The following HIPK3 variants were observed in gnomAD, a reference collection of about 807,000 sequenced individuals.
HIPK3 encodes the protein homeodomain interacting protein kinase 3.
In HIPK3, 47 loss-of-function variants were observed where a neutral mutation model predicts 124.2. The observed-to-expected ratio is 0.38, with a 90% CI of 0.30 to 0.48. The LOEUF (loss-of-function observed/expected upper bound fraction) is 0.48, where lower values mean the gene tolerates loss of function less well. Ranked by LOEUF, HIPK3 falls within the 20% of genes least tolerant of loss-of-function variation. The pLI, the probability that HIPK3 is intolerant of heterozygous loss-of-function variation, is 0.98. For missense variants in HIPK3, 1,286 were observed against 1,454.3 expected, an observed-to-expected ratio of 0.88 and a Z score of 1.88; for synonymous variants, 482 against 515.2, an observed-to-expected ratio of 0.94 and a Z score of 0.87.
chr11:33,275,323 C>A (rs1851243648), intron 1 of HIPK3, among the ~76,000 whole-genome samples: 1 of 152,152 alleles, frequency 6.6e-6, no homozygotes, highest in African/African-American at 2.4e-5. Context: ...CAGGTGTAAG[C>A]CACTGTGCCC....
chr11:33,272,133 C>T (rs1025582964), intron 1 of HIPK3, among the ~76,000 whole-genome samples: 1 of 152,162 alleles, frequency 6.6e-6, no homozygotes, highest in Non-Finnish European at 1.5e-5. Flanking sequence ...TGCAGTGGCT[C>T]ACGCCTGTAA....
At position 33,287,013 on chromosome 11, in the gene HIPK3, T is replaced by G. The variant is rs141595291; in HGVS notation, c.599T>G (p.Leu200Arg). ...TCCATGAAAAATACTTACGAAGTCC[T>G]TGATTTTCTTGGTCGAGGCACGTTT... ...LCSMKNTYEV[L>R]DFLGRGTFGQ... The change falls in exon 2 of 17, where the codon CTT (leucine) becomes CGT (arginine). Residue 200 changes from leucine (L) to arginine (R), a missense_variant. Transcript: ENST00000303296. 61 of 1,614,072 alleles carry G rather than the reference T, an allele frequency of 3.8e-5. No individual in the cohort carries two copies. The highest frequency in any genetic ancestry group is 5.0e-5 in the Non-Finnish European group (59 of 1,180,036).
At chr11:33,330,265 C>A (rs908658904) in intron 3 of HIPK3, among the ~76,000 whole-genome samples, 5 of 152,118 alleles carry the variant, frequency 3.3e-5, no homozygotes, top group African/African-American at 9.7e-5. Context: ...TAAAAAAAGT[C>A]ATTGGCCCTT....
intron 1 of HIPK3, among the ~76,000 whole-genome samples, chr11:33,280,365 C>G (rs1851379855): frequency 6.6e-6 from 1 of 152,108 alleles, no homozygotes; most frequent in Non-Finnish European, 1.5e-5. Context: ...TCCATAAACA[C>G]CAGATACTAG....
Position 33,338,807 on chromosome 11 carries a change from A to G in HIPK3, c.1392A>G (p.Arg464=). 6.2e-7 allele frequency: 1 copy of G among 1,613,270 alleles called. No homozygotes were observed. Among genetic ancestry groups the G allele is most frequent in the Non-Finnish European group, 8.5e-7 (1 of 1,179,398 alleles). The stretch of plus-strand genomic sequence containing the variant: ...CAGGAATGAAGTCTAAAGAAGCCAG[A>G]AAATACATTTTCAACAGTCTGGATG... The part of the protein sequence containing the change: ...AETGMKSKEA[R]KYIFNSLDDV... Residue 464 remains arginine, a synonymous_variant, in exon 5 of 17, where the codon AGA becomes AGG. Transcript: ENST00000303296.
chr11:33,288,901 G>A (rs1282094748), intron 2 of HIPK3, among the ~76,000 whole-genome samples: 1 of 152,156 alleles, frequency 6.6e-6, no homozygotes, highest in Non-Finnish European at 1.5e-5. Context: ...CATTCATGCA[G>A]TTTATTGTTA....
intron 1 of HIPK3, among the ~76,000 whole-genome samples, chr11:33,280,329 T>C (rs1851379006): frequency 6.6e-6 from 1 of 152,186 alleles, no homozygotes; most frequent in African/African-American, 2.4e-5. Flanking sequence ...GGGCTTCAGC[T>C]CCTGGGAATA....
At chr11:33,278,172 C>CT (rs1851320467) in intron 1 of HIPK3, among the ~76,000 whole-genome samples, 1 of 152,068 alleles carries the variant, frequency 6.6e-6, no homozygotes, top group Admixed American at 6.6e-5. Context: ...AAAAATATAA[C>CT]TAATTTTAAA....
chr11:33,305,705 C>T (rs1263503931), intron 2 of HIPK3, among the ~76,000 whole-genome samples: 1 of 152,236 alleles, frequency 6.6e-6, no homozygotes, highest in East Asian at 1.9e-4. Flanking sequence ...CTCGAAGACA[C>T]TGATGAGTTA....
chr11:33,271,051 A>C (rs929490701), intron 1 of HIPK3, among the ~76,000 whole-genome samples: 1 of 152,202 alleles, frequency 6.6e-6, no homozygotes, highest in African/African-American at 2.4e-5. Flanking sequence ...TAAGTTTTAT[A>C]TTAGTCTAGT....
At chr11:33,350,264 C>T (rs1853617607) in intron 14 of HIPK3, among the ~76,000 whole-genome samples, 1 of 152,148 alleles carries the variant, frequency 6.6e-6, no homozygotes, top group African/African-American at 2.4e-5. Flanking sequence ...GACTGATTTG[C>T]ATGGTTTTAT....
chr11:33,293,966 A>C (rs1851769192), intron 2 of HIPK3, among the ~76,000 whole-genome samples: 1 of 152,122 alleles, frequency 6.6e-6, no homozygotes, highest in Non-Finnish European at 1.5e-5. Context: ...CAGGAGTTCG[A>C]GTCCAGCCTG....
intron 8 of HIPK3, among the ~76,000 whole-genome samples, chr11:33,342,102 CAAA>C (rs58073130): frequency 3.6e-5 from 2 of 55,602 alleles, no homozygotes; most frequent in Non-Finnish European, 3.3e-5. Context: ...GACTCTGTCT[CAAA>C]AAAAAAAAAA....
intron 2 of HIPK3, among the ~76,000 whole-genome samples, chr11:33,295,257 G>A (rs1307627978): frequency 6.6e-6 from 1 of 151,170 alleles, no homozygotes; most frequent in Non-Finnish European, 1.5e-5. Context: ...GCTGCCACCT[G>A]GAGAGAAGCA....
intron 4 of HIPK3, among the ~76,000 whole-genome samples, chr11:33,338,382 C>T (rs1440086440): frequency 1.3e-5 from 2 of 152,132 alleles, no homozygotes; most frequent in African/African-American, 2.4e-5. Context: ...TACAGGCATG[C>T]GCCACCACAC....
At chr11:33,326,812 C>G (rs1354407351) in intron 2 of HIPK3, among the ~76,000 whole-genome samples, 1 of 151,898 alleles carries the variant, frequency 6.6e-6, no homozygotes, top group Non-Finnish European at 1.5e-5. Context: ...GCTGGGACTA[C>G]AGGTGCGGAC....
intron 1 of HIPK3, among the ~76,000 whole-genome samples, chr11:33,274,095 A>G (rs10836047): frequency 0.66 from 99,688 of 152,012 alleles, 32,931 homozygotes; most frequent in Non-Finnish European, 0.7. Context: ...TTGGTTCTCT[A>G]CATGTTCATT....
chr11:33,322,846 C>T (rs1852704553), intron 2 of HIPK3, among the ~76,000 whole-genome samples: 2 of 152,144 alleles, frequency 1.3e-5, no homozygotes, highest in African/African-American at 4.8e-5. Flanking sequence ...ACTAGAAAAA[C>T]GAGTGGCCAC....
intron 1 of HIPK3, among the ~76,000 whole-genome samples, chr11:33,275,188 T>C (rs1003222647): frequency 1.3e-5 from 2 of 151,962 alleles, no homozygotes; most frequent in East Asian, 1.9e-4. Context: ...TGCAGTTGCG[T>C]GCCACCATGC....
Sources: allele counts gnomAD v4.1 joint callset (sites outside exome capture counted in the v4.1 genomes callset), GRCh38; gene constraint gnomAD v4.1.1; transcripts MANE v1.5; gene names NCBI Gene and HGNC (gene_info 2026-07-23, HGNC 2026-07-21).